FTMT: variants seen among roughly 807,000 people sequenced by gnomAD.
FTMT encodes the protein ferritin, mitochondrial.
A neutral mutation model predicts 4.9 loss-of-function variants in FTMT; 5 were observed. That is an observed-to-expected ratio of 1.03 (90% confidence interval 0.54 to 2.16). FTMT has a LOEUF of 2.16. FTMT is among the 30% of genes most tolerant of loss of function. The pLI is 0.01. For synonymous variants in FTMT, 174 were observed against 143.6 expected, an observed-to-expected ratio of 1.21 and a Z score of -1.51; for missense variants, 393 against 323.0, an observed-to-expected ratio of 1.22 and a Z score of -1.66.
At position 121,852,153 on chromosome 5, in the gene FTMT, G is replaced by A. The variant is rs755389811; in HGVS notation, c.190G>A (p.Gly64Ser). The A allele has an allele frequency of 2.5e-6, 4 of 1,606,570 alleles. No homozygotes were observed. The highest frequency in any genetic ancestry group is 3.4e-6 in the Non-Finnish European group (4 of 1,176,818). Residue 64 changes from glycine (G) to serine (S), a missense_variant, in exon 1 of 1, where the codon GGC becomes AGC. By Grantham distance (56) the Gly-to-Ser change is moderately conservative (BLOSUM62 0). Transcript: ENST00000321339. ...SSRDPTGPAA[G>S]PSRVRQNFHP... ...CCGGGACCCTACCGGGCCCGCCGCC[G>A]GCCCCTCTCGGGTGCGCCAGAACTT...
Position 121,851,921 on chromosome 5 carries a change from G to A in FTMT, c.-43G>A, listed in dbSNP as rs893710040. ...CCTCCAGCGCCCGACCCCACGCCAA[G>A]AGGGCCGGGCCTCAGTTTCCCCACT... On this transcript the variant is annotated 5_prime_UTR_variant, in exon 1 of 1. Transcript: ENST00000321339. 1.0e-5 allele frequency: 16 copies of A among 1,533,764 alleles called. No homozygotes were observed. The highest frequency in any genetic ancestry group is 1.4e-5 in the Non-Finnish European group (16 of 1,150,598).
rs769549179 is a variant in FTMT, at chr5:121,852,190, C to T, written c.227C>T (p.Ser76Phe). 3 of 1,613,932 alleles carry T rather than the reference C, an allele frequency of 1.9e-6. No homozygotes were observed. The South Asian group carries it at 3.3e-5, about 18-fold the overall frequency. ...SRVRQNFHPD[S>F]EAAINRQINL... Reference sequence around the variant, plus strand: ...GTGCGCCAGAACTTCCACCCCGACTCCGAGGCTGCCATCAACCGCCAGATC... The same window carrying T: ...GTGCGCCAGAACTTCCACCCCGACTTCGAGGCTGCCATCAACCGCCAGATC... Residue 76 changes from serine (S) to phenylalanine (F), a missense_variant, in exon 1 of 1, where the codon TCC becomes TTC. By Grantham distance (155) the Ser-to-Phe change is radical. Transcript: ENST00000321339.
rs199743631 is a variant in FTMT, at chr5:121,852,408, G to C, written c.445G>C (p.Glu149Gln). The C allele has an allele frequency of 3.7e-6, 6 of 1,614,142 alleles. No homozygotes were observed. The highest frequency in any genetic ancestry group is 1.6e-4 in the Middle Eastern group (1 of 6,062). ...CCGCCTGCAGGACATCAAGAAGCCGGAACAGGACGACTGGGAAAGCGGGCT... is the reference window on the plus strand; with the variant it reads ...CCGCCTGCAGGACATCAAGAAGCCGCAACAGGACGACTGGGAAAGCGGGCT... ...RIRLQDIKKP[E>Q]QDDWESGLHA... is the part of the protein sequence containing the mutation. The change falls in exon 1 of 1, where the codon GAA (glutamate) becomes CAA (glutamine). Residue 149 changes from glutamate (E) to glutamine (Q), a missense_variant. Transcript: ENST00000321339.
chr5:121,852,803 T>G lies in FTMT; in HGVS notation c.*111T>G. On this transcript the variant is annotated 3_prime_UTR_variant, in exon 1 of 1. Coordinates refer to ENST00000321339, the MANE Select transcript of FTMT (RefSeq NM_177478.2). ...ATCTTTATATTCTTCTGTTATACTA[T>G]TCCTCCAATAAAGTGATTTGTAGAA... is the stretch of plus-strand genomic sequence containing the variant. 7.9e-7 allele frequency: 1 copy of G among 1,266,414 alleles called. No homozygotes were observed. The highest frequency in any genetic ancestry group is 1.5e-5 in the South Asian group (1 of 68,266). 78.4% of individuals were successfully genotyped at this position (1,266,414 alleles called of 1,614,324 possible).
rs1342346465 is a variant in FTMT at position 121,851,990 on chromosome 5, C to T, written c.27C>T (p.Ser9=). The change falls in exon 1 of 1, where the codon TCC becomes TCT. Residue 9 remains serine, a synonymous_variant. Transcript: ENST00000321339. ...TGCTGTCCTGCTTCAGGCTCCTCTC[C>T]AGGCACATCAGCCCTTCGCTGGCGT... MLSCFRLL[S]RHISPSLASL... 1.9e-6 allele frequency: 3 copies of T among 1,593,288 alleles called. No individual in the cohort carries two copies. The highest frequency in any genetic ancestry group is 2.6e-6 in the Non-Finnish European group (3 of 1,175,674).
chr5:121,852,183 C>T lies in FTMT; in HGVS notation c.220C>T (p.Pro74Ser), dbSNP rs1750061898. ...CTCTCGGGTGCGCCAGAACTTCCAC[C>T]CCGACTCCGAGGCTGCCATCAACCG... ...GPSRVRQNFHPDSEAAINRQI... is the reference protein window; with the variant it reads ...GPSRVRQNFHSDSEAAINRQI... The change falls in exon 1 of 1, where the codon CCC becomes TCC. Residue 74 changes from proline (P) to serine (S), a missense_variant. Transcript: ENST00000321339. 1 of 1,613,450 alleles carries T rather than the reference C, an allele frequency of 6.2e-7. No homozygotes were observed. Among genetic ancestry groups the T allele is most frequent in the Non-Finnish European group, 8.5e-7 (1 of 1,179,644 alleles).
chr5:121,852,022 G>GC lies in FTMT; in HGVS notation c.62dup (p.Val22GlyfsTer84). On this transcript the variant is annotated frameshift_variant, in exon 1 of 1. Transcript: ENST00000321339. LOFTEE classifies it low-confidence loss of function (END_TRUNC). ...ATCAGCCCTTCGCTGGCGTCTCTGCGCCCGGTGCGCTGCTGCTTCGCGCTC... is the reference window on the plus strand; with the variant it reads ...ATCAGCCCTTCGCTGGCGTCTCTGCGCCCCGGTGCGCTGCTGCTTCGCGCTC... 6.3e-7 allele frequency: 1 copy of GC among 1,593,618 alleles called. No homozygotes were observed. The highest frequency in any genetic ancestry group is 1.7e-5 in the Admixed American group (1 of 59,354).
chr5:121,852,385 G>T lies in FTMT; in HGVS notation c.422G>T (p.Arg141Leu), dbSNP rs764511341. The T allele has an allele frequency of 3.6e-5, 58 of 1,614,018 alleles. No homozygotes were observed. The East Asian group carries it at 1.2e-3, about 34-fold the overall frequency. ...RLQNQRGGRI[R>L]LQDIKKPEQD... ...CAGAACCAGCGAGGAGGCCGGATCC[G>T]CCTGCAGGACATCAAGAAGCCGGAA... Residue 141 changes from arginine to leucine, a missense_variant, in exon 1 of 1, where the codon CGC becomes CTC. Transcript: ENST00000321339.
Position 121,852,135 on chromosome 5 carries a change from C to A in FTMT, c.172C>A (p.Pro58Thr). The change falls in exon 1 of 1, where the codon CCT becomes ACT. Residue 58 changes from proline to threonine, a missense_variant. Coordinates refer to ENST00000321339, the MANE Select transcript of FTMT (RefSeq NM_177478.2). ...GGCCGCAGCCGCCTCCTCCCGGGACCCTACCGGGCCCGCCGCCGGCCCCTC... is the reference window on the plus strand; with the variant it reads ...GGCCGCAGCCGCCTCCTCCCGGGACACTACCGGGCCCGCCGCCGGCCCCTC... ...PLAAAASSRD[P>T]TGPAAGPSRV... 1.3e-6 allele frequency: 2 copies of A among 1,597,838 alleles called. No homozygotes were observed. The highest frequency in any genetic ancestry group is 8.5e-7 in the Non-Finnish European group (1 of 1,173,524).
At position 121,852,720 on chromosome 5, in the gene FTMT, G is replaced by C. The variant is rs763763452; in HGVS notation, c.*28G>C. ...CACGAGCTGCCTTCCTCCCAGGCTA[G>C]TGGATCCAAAGACCAAAGTCAGCTG... On this transcript the variant is annotated 3_prime_UTR_variant, in exon 1 of 1. Transcript: ENST00000321339. 23 of 1,587,272 alleles carry C rather than the reference G, an allele frequency of 1.4e-5. No individual in the cohort carries two copies. Among genetic ancestry groups the C allele is most frequent in the Non-Finnish European group, 4.3e-6 (5 of 1,166,938 alleles).
At position 121,852,305 on chromosome 5, in the gene FTMT, T is replaced by C; in HGVS notation, c.342T>C (p.Tyr114=). Residue 114 remains tyrosine (Y), a synonymous_variant, in exon 1 of 1, where the codon TAT becomes TAC. Transcript: ENST00000321339. ...TGGCCTTGAACAACTTCTCCAGGTATTTCCTTCACCAGTCCCGGGAGGAGA... is the reference window on the plus strand; with the variant it reads ...TGGCCTTGAACAACTTCTCCAGGTACTTCCTTCACCAGTCCCGGGAGGAGA... ...DDVALNNFSR[Y]FLHQSREETE... is the part of the protein sequence containing the mutation. 6.2e-7 allele frequency: 1 copy of C among 1,614,132 alleles called. No homozygotes were observed. Among genetic ancestry groups the C allele is most frequent in the Non-Finnish European group, 8.5e-7 (1 of 1,180,020 alleles).
In FTMT at chr5:121,851,915, C is replaced by T. The variant is rs761517211; in HGVS notation, c.-49C>T. ...CTGACGCCTCCAGCGCCCGACCCCA[C>T]GCCAAGAGGGCCGGGCCTCAGTTTC... On this transcript the variant is annotated 5_prime_UTR_variant, in exon 1 of 1. The change creates a new upstream start codon in the 5' untranslated region. Transcript: ENST00000321339. 2 of 1,525,158 alleles carry T rather than the reference C, an allele frequency of 1.3e-6. No homozygotes were observed. Among genetic ancestry groups the T allele is most frequent in the African/African-American group, 2.9e-5 (2 of 69,498 alleles). 94.5% of individuals were successfully genotyped at this position (1,525,158 alleles called of 1,614,324 possible). A position where few individuals can be genotyped will look rare whatever the true frequency, so the allele number is the denominator to read the frequency against.
rs1750076834 is a variant in FTMT, at chr5:121,852,622, C to T, written c.659C>T (p.Ala220Val). 6.2e-7 allele frequency: 1 copy of T among 1,613,894 alleles called. No homozygotes were observed. Among genetic ancestry groups the T allele is most frequent in the African/African-American group, 1.3e-5 (1 of 74,858 alleles). Reference sequence around the variant, plus strand: ...GTGCACAACTTAGTGAAGATGGGGGCCCCGGATGCTGGCCTGGCGGAGTAC... The same window carrying T: ...GTGCACAACTTAGTGAAGATGGGGGTCCCGGATGCTGGCCTGGCGGAGTAC... The part of the protein sequence containing the change: ...DHVHNLVKMG[A>V]PDAGLAEYLF... The change falls in exon 1 of 1, where the codon GCC becomes GTC. Residue 220 changes from alanine to valine, a missense_variant. Transcript: ENST00000321339.
In FTMT at chr5:121,851,948, C is replaced by A; in HGVS notation, c.-16C>A. ...GGGCCGGGCCTCAGTTTCCCCACTT[C>A]CAAGGAGGCGGCGCTATGCTGTCCT... On this transcript the variant is annotated 5_prime_UTR_variant, in exon 1 of 1. Transcript: ENST00000321339. 6.4e-7 allele frequency: 1 copy of A among 1,569,676 alleles called. No homozygotes were observed. The highest frequency in any genetic ancestry group is 1.1e-5 in the South Asian group (1 of 88,358).
chr5:121,852,759 T>C lies in FTMT; in HGVS notation c.*67T>C, dbSNP rs768663304. The C allele has an allele frequency of 2.0e-5, 30 of 1,520,634 alleles. No homozygotes were observed. Among genetic ancestry groups the C allele is most frequent in the Non-Finnish European group, 2.7e-5 (30 of 1,128,044 alleles). 94.2% of individuals were successfully genotyped at this position (1,520,634 alleles called of 1,614,324 possible). ...CAAAGTCAGCTGTCTCCTGCTTTCTTGCCCTTAAAATCACCTCCATCTTTA... is the reference window on the plus strand; with the variant it reads ...CAAAGTCAGCTGTCTCCTGCTTTCTCGCCCTTAAAATCACCTCCATCTTTA... On this transcript the variant is annotated 3_prime_UTR_variant, in exon 1 of 1. Coordinates refer to ENST00000321339, the MANE Select transcript of FTMT (RefSeq NM_177478.2).
chr5:121,852,482 G>A lies in FTMT; in HGVS notation c.519G>A (p.Ser173=), dbSNP rs772478687. The A allele has an allele frequency of 2.5e-6, 4 of 1,614,052 alleles. No homozygotes were observed. The highest frequency in any genetic ancestry group is 2.5e-6 in the Non-Finnish European group (3 of 1,180,024). ...TCTTGGAAAAGAACGTGAACCAGTC[G>A]TTGCTGGAATTGCACGCTCTAGCCT... ...ALLLEKNVNQ[S]LLELHALASD... The change falls in exon 1 of 1, where the codon TCG becomes TCA. Residue 173 remains serine, a synonymous_variant. Coordinates refer to ENST00000321339, the MANE Select transcript of FTMT (RefSeq NM_177478.2).
Position 121,852,334 on chromosome 5 carries a change from A to T in FTMT, c.371A>T (p.Glu124Val), listed in dbSNP as rs1750066393. 6.2e-7 allele frequency: 1 copy of T among 1,613,988 alleles called. No individual in the cohort carries two copies. The highest frequency in any genetic ancestry group is 1.3e-5 in the African/African-American group (1 of 74,914). The change falls in exon 1 of 1, where the codon GAG becomes GTG. Residue 124 changes from glutamate (E) to valine (V), a missense_variant. Physicochemically the swap from Glu to Val is moderately radical, Grantham distance 121 (BLOSUM62 -2). Coordinates refer to ENST00000321339, the MANE Select transcript of FTMT (RefSeq NM_177478.2). ...YFLHQSREET[E>V]HAEKLMRLQN... is the part of the protein sequence containing the mutation. The stretch of plus-strand genomic sequence containing the variant: ...CTTCACCAGTCCCGGGAGGAGACCG[A>T]GCACGCGGAGAAGCTGATGAGGCTG...
Position 121,852,664 on chromosome 5 carries a change from C to G in FTMT, c.701C>G (p.Thr234Ser). Residue 234 changes from threonine to serine, a missense_variant, in exon 1 of 1, where the codon ACC becomes AGC. Coordinates refer to ENST00000321339, the MANE Select transcript of FTMT (RefSeq NM_177478.2). ...GCGGAGTACCTTTTTGACACACATACCCTTGGAAATGAAAACAAGCAGAAC... is the reference window on the plus strand; with the variant it reads ...GCGGAGTACCTTTTTGACACACATAGCCTTGGAAATGAAAACAAGCAGAAC... ...GLAEYLFDTHTLGNENKQN is the reference protein window; with the variant it reads ...GLAEYLFDTHSLGNENKQN 3.7e-6 allele frequency: 6 copies of G among 1,613,634 alleles called. No homozygotes were observed. The highest frequency in any genetic ancestry group is 5.1e-6 in the Non-Finnish European group (6 of 1,179,822).
rs1336059723 is a variant in FTMT, at chr5:121,852,749, C to A, written c.*57C>A. On this transcript the variant is annotated 3_prime_UTR_variant, in exon 1 of 1. Transcript: ENST00000321339. ...ATCCAAAGACCAAAGTCAGCTGTCT[C>A]CTGCTTTCTTGCCCTTAAAATCACC... is the stretch of plus-strand genomic sequence containing the variant. 6.5e-7 allele frequency: 1 copy of A among 1,546,456 alleles called. No individual in the cohort carries two copies. Among genetic ancestry groups the A allele is most frequent in the African/African-American group, 1.4e-5 (1 of 72,588 alleles).
Sources: allele counts gnomAD v4.1 joint callset, GRCh38; gene constraint gnomAD v4.1.1; transcripts MANE v1.5; gene names NCBI Gene and HGNC (gene_info 2026-07-23, HGNC 2026-07-21).